The following ACTR5 variants were observed in gnomAD, a reference collection of about 807,000 sequenced individuals.
ACTR5 encodes actin related protein 5.
Under a neutral mutation model 61.2 loss-of-function variants are expected in ACTR5, and 43 were observed. The observed-to-expected ratio is 0.70, with a 90% CI of 0.55 to 0.91. The LOEUF (loss-of-function observed/expected upper bound fraction) is 0.91, where lower values mean the gene tolerates loss of function less well. Ranked by LOEUF, ACTR5 falls within the 40% of genes least tolerant of loss-of-function variation. The pLI, the probability that ACTR5 is intolerant of heterozygous loss-of-function variation, is 0.00. For missense variants in ACTR5, 798 were observed against 782.2 expected (o/e 1.02, Z -0.24); for synonymous variants, 333 against 310.5 (o/e 1.07, Z -0.76).
At chr20:38,759,248 G>C (rs2084438919) in intron 5 of ACTR5, among the ~76,000 whole-genome samples, 1 of 152,224 alleles carries the variant, frequency 6.6e-6, no homozygotes, top group Non-Finnish European at 1.5e-5. Context: ...GGCTGTTTTA[G>C]GGAACCATGC....
At chr20:38,756,122 G>C (rs982347689) in intron 5 of ACTR5, 83 bp downstream of exon 5, 1 of 1,419,538 alleles carries the variant, frequency 7.0e-7, no homozygotes, top group Non-Finnish European at 9.3e-7. Flanking sequence ...GTTGTGCCCA[G>C]AGTCAGGAGG....
At chr20:38,756,852 C>T (rs1005763037) in intron 5 of ACTR5, among the ~76,000 whole-genome samples, 11 of 152,272 alleles carry the variant, frequency 7.2e-5, no homozygotes, top group East Asian at 3.9e-4. Flanking sequence ...TGCAGTGAGC[C>T]GAGACCGCTC....
At chr20:38,762,415 C>T (rs535565515) in intron 5 of ACTR5, among the ~76,000 whole-genome samples, 5 of 152,334 alleles carry the variant, frequency 3.3e-5, no homozygotes, top group Admixed American at 2.0e-4. Flanking sequence ...TCATTTGCAC[C>T]ATACTTTGTT....
chr20:38,750,249 A>C lies in ACTR5; in HGVS notation c.605+10A>C, dbSNP rs754561132. On this transcript the variant is annotated intron_variant, in intron 2 of 8. Transcript: ENST00000243903. ...CCATCTTAGAAGGGAGGTGAGTTGC[A>C]CTTGTGGCATTTGAGTGCGATTTTG... The C allele has an allele frequency of 1.2e-6, 2 of 1,608,404 alleles. No individual in the cohort carries two copies.
At chr20:38,757,320 A>G (rs2084426215) in intron 5 of ACTR5, among the ~76,000 whole-genome samples, 1 of 152,206 alleles carries the variant, frequency 6.6e-6, no homozygotes, top group Non-Finnish European at 1.5e-5. Flanking sequence ...TCCTCAGTCC[A>G]GAAGTCGCTG....
In ACTR5 at chr20:38,748,790, C is replaced by T. The variant is rs545258553; in HGVS notation, c.312C>T (p.Val104=). 3 of 1,609,300 alleles carry T rather than the reference C, an allele frequency of 1.9e-6. No homozygotes were observed. The highest frequency in any genetic ancestry group is 1.3e-5 in the African/African-American group (1 of 74,630). The change falls in exon 1 of 9, where the codon GTC becomes GTT. Residue 104 remains valine (V), a synonymous_variant. Transcript: ENST00000243903. ...CGCCCTTCGACCGCAACGTGCCGGT[C>T]AACCTGGAGCTTCAGGAGTTGCTGC... The part of the protein sequence containing the change: ...LRSPFDRNVP[V]NLELQELLLD...
chr20:38,758,837 A>G (rs748159522), intron 5 of ACTR5, among the ~76,000 whole-genome samples: 3 of 152,274 alleles, frequency 2.0e-5, no homozygotes, highest in Non-Finnish European at 2.9e-5. Flanking sequence ...TAATTCATTT[A>G]GAATGAATTG....
At chr20:38,749,355 A>G (rs1302874510) in intron 1 of ACTR5, among the ~76,000 whole-genome samples, 3 of 152,238 alleles carry the variant, frequency 2.0e-5, no homozygotes, top group African/African-American at 4.8e-5. Context: ...GTAGCAAGCC[A>G]TGTGAATATC....
intron 2 of ACTR5, among the ~76,000 whole-genome samples, chr20:38,751,345 A>T (rs2084386010): frequency 1.3e-5 from 2 of 152,198 alleles, no homozygotes; most frequent in Non-Finnish European, 2.9e-5. Flanking sequence ...TGAATTTCTC[A>T]TGAAGTTTCT....
At chr20:38,769,392 A>C (rs907910733) in intron 8 of ACTR5, among the ~76,000 whole-genome samples, 28 of 152,162 alleles carry the variant, frequency 1.8e-4, no homozygotes, top group African/African-American at 6.8e-4. Context: ...TGGCAGAGGG[A>C]GAGGAAGAGA....
intron 5 of ACTR5, among the ~76,000 whole-genome samples, chr20:38,758,808 T>A (rs2084436006): frequency 6.6e-6 from 1 of 152,210 alleles, no homozygotes; most frequent in Admixed American, 6.5e-5. Context: ...AAAAAGTATT[T>A]GTAGAGTTTC....
intron 5 of ACTR5, among the ~76,000 whole-genome samples, chr20:38,760,889 C>G (rs1386917253): frequency 6.6e-6 from 1 of 151,602 alleles, no homozygotes; most frequent in Admixed American, 6.6e-5. Context: ...TACTCTGTTG[C>G]ACAGGCTGGA....
chr20:38,750,030 A>T lies in ACTR5; in HGVS notation c.396A>T (p.Ile132=), dbSNP rs200852027. 4 of 1,614,110 alleles carry T rather than the reference A, an allele frequency of 2.5e-6. No homozygotes were observed. The highest frequency in any genetic ancestry group is 3.4e-6 in the Non-Finnish European group (4 of 1,179,960). ...VSSQGCVDHP[I]VLTEAVCNPL... ...AGTAGGGCTGTGTTGATCATCCCAT[A>T]GTTTTGACAGAAGCTGTGTGCAACC... The change falls in exon 2 of 9, where the codon ATA becomes ATT. Residue 132 remains isoleucine, a synonymous_variant. Transcript: ENST00000243903.
rs2084411358 is a variant in ACTR5, at chr20:38,755,051, C to A, written c.870C>A (p.Thr290=). 1.9e-6 allele frequency: 3 copies of A among 1,614,138 alleles called. No individual in the cohort carries two copies. ...FSSKLLGSTL[T]SEEKQERRQQ... is the part of the protein sequence containing the mutation. ...GCAAGCTCCTGGGCAGCACTCTGAC[C>A]TCTGAGGAGAAACAAGAAAGGCGGC... Residue 290 remains threonine (T), a synonymous_variant, in exon 4 of 9, where the codon ACC becomes ACA. Transcript: ENST00000243903.
intron 8 of ACTR5, among the ~76,000 whole-genome samples, chr20:38,768,284 A>C (rs1186559228): frequency 6.6e-6 from 1 of 152,134 alleles, no homozygotes; most frequent in South Asian, 2.1e-4. Flanking sequence ...GTGGGCCTGC[A>C]TGTAATAAAC....
At chr20:38,758,413 G>A (rs7267156) in intron 5 of ACTR5, among the ~76,000 whole-genome samples, 13,320 of 152,170 alleles carry the variant, frequency 0.088, 591 homozygotes, top group African/African-American at 0.12. Flanking sequence ...TTGGGAGGCC[G>A]AGGTGGGTGG....
Position 38,771,575 on chromosome 20 carries a change from A to T in ACTR5, c.1583A>T (p.Asn528Ile). The change falls in exon 9 of 9, where the codon AAC becomes ATC. Residue 528 changes from asparagine (N) to isoleucine (I), a missense_variant. Physicochemically the swap from Asn to Ile is moderately radical, Grantham distance 149. Transcript: ENST00000243903. The stretch of plus-strand genomic sequence containing the variant: ...GTGTTTCAGGTTCAACTTGCCTCGA[A>T]CCCTGTGCTGGATGCCTGGTACGGT... ...RSSFQVQLAS[N>I]PVLDAWYGAR... 2 of 1,613,536 alleles carry T rather than the reference A, an allele frequency of 1.2e-6. No individual in the cohort carries two copies. The highest frequency in any genetic ancestry group is 2.2e-5 in the East Asian group (1 of 44,856).
At chr20:38,769,204 C>G (rs978907373) in intron 8 of ACTR5, among the ~76,000 whole-genome samples, 4 of 152,218 alleles carry the variant, frequency 2.6e-5, no homozygotes, top group Non-Finnish European at 5.9e-5. Flanking sequence ...CCTCATCCAG[C>G]TTTCTCAGTG....
At chr20:38,765,552 T>C in intron 6 of ACTR5, 34 bp downstream of exon 6, 1 of 1,554,340 alleles carries the variant, frequency 6.4e-7, no homozygotes, top group Non-Finnish European at 8.9e-7. Flanking sequence ...ATGCTTATTC[T>C]TTGAAGGTGT....
Sources: allele counts gnomAD v4.1 joint callset (sites outside exome capture counted in the v4.1 genomes callset), GRCh38; gene constraint gnomAD v4.1.1; transcripts MANE v1.5; gene names NCBI Gene and HGNC (gene_info 2026-07-23, HGNC 2026-07-21).